MSRA: variants seen among roughly 807,000 people sequenced by gnomAD.
MSRA encodes the protein mitochondrial peptide methionine sulfoxide reductase.
In MSRA, 54 loss-of-function variants were observed where a neutral mutation model predicts 31.3. The ratio of observed to expected loss-of-function variants is 1.73; its 90% CI spans 1.39 to 2.17. MSRA has a LOEUF of 2.17. Among genes scored for constraint, MSRA ranks in the 30% most tolerant of loss-of-function variants. The probability of loss-of-function intolerance (pLI) is 0.00; values close to 1 mark genes in which losing one functional copy is unlikely to be tolerated. For missense variants in MSRA, 507 were observed against 300.9 expected (o/e 1.69, Z -5.07); for synonymous variants, 169 against 116.5 (o/e 1.45, Z -2.90).
intron 1 of MSRA, among the ~76,000 whole-genome samples, chr8:10,098,690 T>G (rs1028201134): frequency 3.3e-5 from 5 of 152,214 alleles, no homozygotes; most frequent in African/African-American, 1.2e-4. Flanking sequence ...TTAGTTGTAT[T>G]ACACGTAGCT....
chr8:10,095,908 G>A, intron 1 of MSRA: 1 of 1,330,346 alleles, frequency 7.5e-7, no homozygotes, highest in Non-Finnish European at 9.7e-7. Flanking sequence ...ATGAGAGACA[G>A]GATTAATATA....
chr8:10,063,170 C>T (rs1797293244), intron 1 of MSRA, among the ~76,000 whole-genome samples: 1 of 152,192 alleles, frequency 6.6e-6, no homozygotes, highest in African/African-American at 2.4e-5. Flanking sequence ...CTGCTCTCCT[C>T]TCAAATCCCA....
chr8:10,278,752 T>C (rs761739450), intron 3 of MSRA, among the ~76,000 whole-genome samples: 1 of 152,204 alleles, frequency 6.6e-6, no homozygotes, highest in Non-Finnish European at 1.5e-5. Context: ...CAGAAATGGT[T>C]AGTATTTGTG....
chr8:10,313,886 C>T (rs1801572786), intron 4 of MSRA, among the ~76,000 whole-genome samples: 1 of 152,114 alleles, frequency 6.6e-6, no homozygotes, highest in South Asian at 2.1e-4. Flanking sequence ...TGACAAATGA[C>T]ACAGTTGGCA....
chr8:10,225,112 G>T (rs548426145), intron 2 of MSRA, among the ~76,000 whole-genome samples: 9 of 152,328 alleles, frequency 5.9e-5, no homozygotes, highest in Admixed American at 5.2e-4. Context: ...ACTCCAACCT[G>T]GGTGACGGAG....
intron 5 of MSRA, among the ~76,000 whole-genome samples, chr8:10,367,686 C>T (rs964021543): frequency 1.6e-4 from 25 of 152,238 alleles, no homozygotes; most frequent in Admixed American, 1.6e-3. Flanking sequence ...CAGATAGGAA[C>T]TTGCAAGGGC....
chr8:10,277,785 A>G (rs1799402243), intron 3 of MSRA, among the ~76,000 whole-genome samples: 1 of 152,164 alleles, frequency 6.6e-6, no homozygotes, highest in Non-Finnish European at 1.5e-5. Flanking sequence ...TATAATAAGT[A>G]TGGGAGGTAA....
intron 1 of MSRA, among the ~76,000 whole-genome samples, chr8:10,189,348 C>A (rs527693549): frequency 6.6e-6 from 1 of 151,928 alleles, no homozygotes; most frequent in African/African-American, 2.4e-5. Context: ...CTTTTTCTTG[C>A]CTTTTTTGAA....
intron 1 of MSRA, among the ~76,000 whole-genome samples, chr8:10,093,771 T>G (rs532500678): frequency 2.0e-5 from 3 of 152,222 alleles, no homozygotes; most frequent in Non-Finnish European, 2.9e-5. Flanking sequence ...TTCAGCTTGG[T>G]GGAAAAGTTC....
At chr8:10,239,453 C>T (rs1812221096) in intron 2 of MSRA, among the ~76,000 whole-genome samples, 1 of 152,192 alleles carries the variant, frequency 6.6e-6, no homozygotes, top group South Asian at 2.1e-4. Flanking sequence ...AGCCACCACC[C>T]CTGGCTCGAA....
At chr8:10,063,258 C>A (rs1797299203) in intron 1 of MSRA, among the ~76,000 whole-genome samples, 1 of 152,208 alleles carries the variant, frequency 6.6e-6, no homozygotes, top group African/African-American at 2.4e-5. Context: ...CCGATGACTT[C>A]TTTTCTTCAT....
At chr8:10,289,465 A>G (rs960514411) in intron 3 of MSRA, among the ~76,000 whole-genome samples, 3 of 152,082 alleles carry the variant, frequency 2.0e-5, no homozygotes, top group Non-Finnish European at 2.9e-5. Context: ...GAATCACATC[A>G]TGGAGAATGG....
intron 5 of MSRA, among the ~76,000 whole-genome samples, chr8:10,344,966 A>G (rs1803677943): frequency 6.6e-6 from 1 of 152,182 alleles, no homozygotes; most frequent in South Asian, 2.1e-4. Flanking sequence ...GCCTGGACTC[A>G]TTCATGGGAC....
chr8:10,386,940 G>A (rs911723523), intron 5 of MSRA, among the ~76,000 whole-genome samples: 9 of 151,634 alleles, frequency 5.9e-5, no homozygotes, highest in Non-Finnish European at 1.0e-4. Context: ...GCATGGGATC[G>A]GCTGAACTGC....
At chr8:10,064,243 C>T (rs190633523) in intron 1 of MSRA, among the ~76,000 whole-genome samples, 1 of 152,190 alleles carries the variant, frequency 6.6e-6, no homozygotes, top group Non-Finnish European at 1.5e-5. Context: ...GACTTTGACT[C>T]ATGATGCCAA....
At chr8:10,197,932 C>T (rs1311855320) in intron 1 of MSRA, among the ~76,000 whole-genome samples, 2 of 152,192 alleles carry the variant, frequency 1.3e-5, no homozygotes, top group Admixed American at 6.5e-5. Flanking sequence ...GCTGCACCTT[C>T]CTGTGATGGA....
At chr8:10,054,679 A>G (rs777303068) in intron 1 of MSRA, 21 bp downstream of exon 1, 14 of 1,493,696 alleles carry the variant, frequency 9.4e-6, no homozygotes, top group Non-Finnish European at 1.3e-5. Context: ...GCCACACGGA[A>G]GGCGCGGGCG....
At chr8:10,144,454 G>C (rs1306247659) in intron 1 of MSRA, among the ~76,000 whole-genome samples, 1 of 152,170 alleles carries the variant, frequency 6.6e-6, no homozygotes, top group African/African-American at 2.4e-5. Flanking sequence ...GAAGCGCTTA[G>C]ACTGGTGACT....
chr8:10,128,349 A>G (rs2129022500), intron 1 of MSRA, among the ~76,000 whole-genome samples: 1 of 152,222 alleles, frequency 6.6e-6, no homozygotes, highest in East Asian at 1.9e-4. Flanking sequence ...ATTGCACTCC[A>G]GCCTGGGCGA....
Sources: gnomAD v4.1 joint callset for allele counts (sites outside exome capture counted in the v4.1 genomes callset) on GRCh38, gnomAD v4.1.1 for gene constraint, MANE v1.5 for transcripts, NCBI Gene and HGNC (gene_info 2026-07-23, HGNC 2026-07-21) for gene names.